Variants in ABI2 observed in about 807,000 individuals in gnomAD.
ABI2 encodes the protein abl interactor 2.
A neutral mutation model predicts 59.2 loss-of-function variants in ABI2; 25 were observed. The ratio of observed to expected loss-of-function variants is 0.42; its 90% CI spans 0.31 to 0.59. The LOEUF (loss-of-function observed/expected upper bound fraction) is 0.59, where lower values mean the gene tolerates loss of function less well. Among genes scored for constraint, ABI2 ranks in the 20% least tolerant of loss-of-function variants. The pLI is 0.14. For synonymous variants in ABI2, 213 were observed against 235.5 expected, an observed-to-expected ratio of 0.90 and a Z score of 0.87; for missense variants, 545 against 681.8, an observed-to-expected ratio of 0.80 and a Z score of 2.23.
Position 203,429,269 on chromosome 2 carries a change from G to C in ABI2, c.*1917G>C, listed in dbSNP as rs954163291. Reference sequence around the variant, plus strand: ...TGTTTTCCTGCAGTGTAATGGCCCTGAATGTCCTCTGAGCCTTCAGCTCCA... The same window carrying C: ...TGTTTTCCTGCAGTGTAATGGCCCTCAATGTCCTCTGAGCCTTCAGCTCCA... On this transcript the variant is annotated 3_prime_UTR_variant, in exon 12 of 12. Transcript: ENST00000261018. 2 of 152,178 alleles carry C rather than the reference G, an allele frequency of 1.3e-5. No individual in the cohort carries two copies. The highest frequency in any genetic ancestry group is 2.9e-5 in the Non-Finnish European group (2 of 68,046). 9.4% of individuals were successfully genotyped at this position (152,178 alleles called of 1,614,324 possible). A position where few individuals can be genotyped will look rare whatever the true frequency, so the allele number is the denominator to read the frequency against.
At chr2:203,384,859 G>A (rs1480873751) in intron 4 of ABI2, among the ~76,000 whole-genome samples, 4 of 147,690 alleles carry the variant, frequency 2.7e-5, no homozygotes, top group African/African-American at 5.0e-5. Context: ...TTTTGAGACC[G>A]AGTCTTGCTC....
At chr2:203,335,226 C>A (rs559360017) in intron 1 of ABI2, among the ~76,000 whole-genome samples, 1 of 152,142 alleles carries the variant, frequency 6.6e-6, no homozygotes, top group East Asian at 1.9e-4. Context: ...TATGCAAGAG[C>A]CTATGCACTG....
intron 8 of ABI2, among the ~76,000 whole-genome samples, chr2:203,398,939 T>G (rs2097113050): frequency 1.3e-5 from 2 of 152,346 alleles, no homozygotes; most frequent in South Asian, 4.1e-4. Flanking sequence ...ACAATTTGTT[T>G]ATCCCTTTCT....
intron 4 of ABI2, among the ~76,000 whole-genome samples, chr2:203,387,029 CCTT>C (rs1354132347): frequency 6.7e-6 from 1 of 148,770 alleles, no homozygotes; most frequent in East Asian, 2.0e-4. Flanking sequence ...CGTTTTGTCT[CCTT>C]TTTTTTCCCC....
intron 5 of ABI2, 123 bp from the exon 6 acceptor site, chr2:203,394,577 G>A: frequency 1.1e-6 from 1 of 922,656 alleles, no homozygotes; most frequent in East Asian, 2.5e-5. Context: ...TTGGTAGCTG[G>A]GTTATGTTAA....
chr2:203,378,333 G>T (rs183829761), intron 2 of ABI2, among the ~76,000 whole-genome samples: 46 of 152,190 alleles, frequency 3.0e-4, no homozygotes, highest in Admixed American at 7.2e-4. Context: ...GGATGGTCTC[G>T]ATCTCCGGAC....
intron 1 of ABI2, among the ~76,000 whole-genome samples, chr2:203,351,115 T>C (rs1284611184): frequency 1.3e-5 from 2 of 152,168 alleles, no homozygotes; most frequent in East Asian, 3.9e-4. Context: ...GCCTTTTCTT[T>C]CCCTCGTTAA....
intron 10 of ABI2, among the ~76,000 whole-genome samples, 187 bp downstream of exon 10, chr2:203,411,558 A>G (rs904927148): frequency 2.6e-5 from 4 of 152,254 alleles, no homozygotes; most frequent in African/African-American, 7.2e-5. Context: ...TAGTAAAGAC[A>G]TAAGACAAAT....
intron 11 of ABI2, among the ~76,000 whole-genome samples, chr2:203,422,999 T>A (rs879340560): frequency 2.6e-4 from 40 of 152,218 alleles, no homozygotes; most frequent in Non-Finnish European, 5.3e-4. Flanking sequence ...ACAAACAGTA[T>A]ATTGAAATGG....
At chr2:203,374,928 CAA>C (rs1434527635) in intron 2 of ABI2, 3 of 441,740 alleles carry the variant, frequency 6.8e-6, no homozygotes, top group Non-Finnish European at 9.3e-6. Context: ...AATCCTAAAA[CAA>C]AATATTTTAT....
At chr2:203,385,080 G>A (rs1163405762) in intron 4 of ABI2, among the ~76,000 whole-genome samples, 8 of 149,250 alleles carry the variant, frequency 5.4e-5, no homozygotes, top group South Asian at 4.3e-4. Context: ...TGATCCACCC[G>A]CCTCGGCCTC....
intron 1 of ABI2, among the ~76,000 whole-genome samples, chr2:203,349,729 G>T (rs191124810): frequency 6.6e-4 from 99 of 149,998 alleles, no homozygotes; most frequent in Middle Eastern, 3.4e-3. Flanking sequence ...TTTTTTTTAC[G>T]GCTGAATAAT....
intron 2 of ABI2, among the ~76,000 whole-genome samples, chr2:203,379,497 C>G (rs889490992): frequency 2.0e-5 from 3 of 152,178 alleles, no homozygotes; most frequent in African/African-American, 7.2e-5. Context: ...CCTTGGCCTC[C>G]CAAAGTGCTT....
chr2:203,378,183 G>T lies in ABI2; in HGVS notation c.286-2025G>T, dbSNP rs1317817813. ...GCTGGAGTGCAGTGGCACAATCTCG[G>T]CTCATTGCAAGCTCTGCCTCCTGGG... On this transcript the variant is annotated intron_variant, in intron 2 of 11. Coordinates refer to ENST00000261018, the MANE Select transcript of ABI2 (RefSeq NM_001375670.1). Among the ~76,000 whole-genome samples the T allele has an allele frequency of 3.3e-5, 5 of 151,512 alleles. No individual in the cohort carries two copies. In the East Asian group the frequency reaches 9.7e-4, roughly 29 times the overall value.
chr2:203,420,116 G>A (rs1276242638), intron 11 of ABI2, among the ~76,000 whole-genome samples: 1 of 152,228 alleles, frequency 6.6e-6, no homozygotes. Flanking sequence ...ATTGGGATTT[G>A]ACTGGGTGGT....
At position 203,347,566 on chromosome 2, in the gene ABI2, T is replaced by C. The variant is rs527821130; in HGVS notation, c.117+18935T>C. ...ACAAGGCGTTTATCAATCTCCACCA[T>C]GTGCCAAGCCTTTCTGGGCAGCTGA... On this transcript the variant is annotated intron_variant, in intron 1 of 11. Transcript: ENST00000261018. Among the ~76,000 whole-genome samples the C allele has an allele frequency of 2.0e-5, 3 of 152,352 alleles. No individual in the cohort carries two copies. In the South Asian group the frequency reaches 6.2e-4, roughly 32 times the overall value.
chr2:203,344,043 G>C (rs10175337), intron 1 of ABI2, among the ~76,000 whole-genome samples: 111,257 of 152,064 alleles, frequency 0.73, 41,945 homozygotes, highest in Middle Eastern at 0.87. Context: ...TGAGGTGGGA[G>C]GATTGCTTGA....
intron 1 of ABI2, among the ~76,000 whole-genome samples, chr2:203,340,351 G>A (rs985392971): frequency 1.3e-5 from 2 of 151,916 alleles, no homozygotes; most frequent in Non-Finnish European, 2.9e-5. Flanking sequence ...TTGTATACTT[G>A]AAATTTACTA....
At chr2:203,349,379 A>G (rs2086126048) in intron 1 of ABI2, among the ~76,000 whole-genome samples, 1 of 152,030 alleles carries the variant, frequency 6.6e-6, no homozygotes, top group African/African-American at 2.4e-5. Context: ...AGTCTCCATT[A>G]ACATTTTGCC....
Sources: allele counts gnomAD v4.1 joint callset (sites outside exome capture counted in the v4.1 genomes callset), GRCh38; gene constraint gnomAD v4.1.1; transcripts MANE v1.5; gene names NCBI Gene and HGNC (gene_info 2026-07-23, HGNC 2026-07-21).